Variants in LRBA observed in about 807,000 individuals in gnomAD.
LRBA encodes lipopolysaccharide-responsive and beige-like anchor protein.
A neutral mutation model predicts 330.0 loss-of-function variants in LRBA; 176 were observed. That is an observed-to-expected ratio of 0.53 (90% CI 0.47 to 0.60). The LOEUF is 0.60. Ranked by LOEUF, LRBA falls within the 20% of genes least tolerant of loss-of-function variation. The pLI is 0.00. For synonymous variants in LRBA, 1,230 were observed against 1,193.0 expected (o/e 1.03, Z -0.64); for missense variants, 3,259 against 3,444.8 (o/e 0.95, Z 1.35).
chr4:150,944,249 C>G (rs1251932573), intron 2 of LRBA, among the ~76,000 whole-genome samples: 1 of 152,194 alleles, frequency 6.6e-6, no homozygotes, highest in African/African-American at 2.4e-5. Context: ...ATAACTAGTA[C>G]AGTTACAAAT....
chr4:150,806,457 T>TCAAAA, intron 32 of LRBA, 53 bp from the exon 33 acceptor site: 4 of 1,274,900 alleles, frequency 3.1e-6, no homozygotes, highest in Non-Finnish European at 4.2e-6. Flanking sequence ...GTATCAATTT[T>TCAAAA]CTAGTTTTGA....
chr4:150,325,542 G>C (rs888089273), intron 49 of LRBA, among the ~76,000 whole-genome samples: 3 of 152,062 alleles, frequency 2.0e-5, no homozygotes, highest in African/African-American at 7.2e-5. Flanking sequence ...CCTACAGTGA[G>C]GATTCATGAC....
At position 150,724,412 on chromosome 4, in the gene LRBA, G is replaced by A. The variant is rs909291117; in HGVS notation, c.5754+10846C>T. Among the ~76,000 whole-genome samples, 22 of 152,218 alleles carry A rather than the reference G, an allele frequency of 1.4e-4. No individual in the cohort carries two copies. In the South Asian group the frequency reaches 1.7e-3, roughly 11 times the overall value. On this transcript the variant is annotated intron_variant, in intron 36 of 56. Transcript: ENST00000651943. ...AAAAAACACAGCCTTATTGGGGTTG[G>A]GGTCCAAGTCCTTTCAAATACCTGG...
At chr4:150,922,780 A>C (rs888535211) in intron 4 of LRBA, among the ~76,000 whole-genome samples, 1 of 149,242 alleles carries the variant, frequency 6.7e-6, no homozygotes, top group Non-Finnish European at 1.5e-5. Context: ...TAAAATTAAA[A>C]AATAAAAATA....
chr4:150,632,992 C>T (rs1324883709), intron 37 of LRBA, among the ~76,000 whole-genome samples: 1 of 152,182 alleles, frequency 6.6e-6, no homozygotes, highest in Non-Finnish European at 1.5e-5. Context: ...AAACTTTTGG[C>T]TATAATTACC....
At chr4:150,452,373 A>G (rs1005504991) in intron 44 of LRBA, among the ~76,000 whole-genome samples, 13 of 152,108 alleles carry the variant, frequency 8.5e-5, no homozygotes, top group Non-Finnish European at 1.3e-4. Flanking sequence ...TATAGAAGGG[A>G]ACTTCTTTGG....
chr4:150,698,609 T>C (rs1187825564), intron 36 of LRBA, among the ~76,000 whole-genome samples: 2 of 152,160 alleles, frequency 1.3e-5, no homozygotes, highest in Non-Finnish European at 2.9e-5. Context: ...AAAATAGCTG[T>C]TTTTTTAACC....
chr4:150,503,030 T>A (rs1280025836), intron 40 of LRBA, among the ~76,000 whole-genome samples: 1 of 152,120 alleles, frequency 6.6e-6, no homozygotes, highest in Admixed American at 6.5e-5. Context: ...TGCCCAGGCT[T>A]GATTAGGTAA....
intron 35 of LRBA, among the ~76,000 whole-genome samples, chr4:150,755,155 G>C (rs771262782): frequency 3.3e-5 from 5 of 152,148 alleles, no homozygotes; most frequent in Non-Finnish European, 5.9e-5. Flanking sequence ...GAGAAGTGAA[G>C]AAAAAGGATG....
chr4:150,638,379 T>C (rs1279767257), intron 37 of LRBA, among the ~76,000 whole-genome samples: 1 of 152,218 alleles, frequency 6.6e-6, no homozygotes, highest in Non-Finnish European at 1.5e-5. Flanking sequence ...TAAAGCTTTA[T>C]AGTTTTCAGT....
intron 44 of LRBA, among the ~76,000 whole-genome samples, chr4:150,437,464 C>G (rs995366453): frequency 4.0e-5 from 6 of 148,342 alleles, no homozygotes; most frequent in African/African-American, 1.2e-4. Context: ...TATACTTTAA[C>G]CAGAGGATTA....
intron 44 of LRBA, among the ~76,000 whole-genome samples, chr4:150,460,319 G>C (rs1332602370): frequency 2.7e-5 from 4 of 150,396 alleles, no homozygotes; most frequent in Admixed American, 6.6e-5. Context: ...ATGAAGGAGA[G>C]AAAAAAAAAT....
chr4:151,001,330 C>A (rs909223003), intron 2 of LRBA, among the ~76,000 whole-genome samples: 2 of 152,148 alleles, frequency 1.3e-5, no homozygotes, highest in Non-Finnish European at 2.9e-5. Flanking sequence ...GCCACTGCTG[C>A]CCCTCACCCA....
chr4:150,699,610 A>C (rs1392164832), intron 36 of LRBA, among the ~76,000 whole-genome samples: 1 of 152,188 alleles, frequency 6.6e-6, no homozygotes, highest in Non-Finnish European at 1.5e-5. Context: ...AGCTGTTATT[A>C]AACACTTAAT....
chr4:150,275,125 A>G (rs1016904359), intron 56 of LRBA, among the ~76,000 whole-genome samples: 8 of 152,244 alleles, frequency 5.3e-5, no homozygotes, highest in African/African-American at 1.9e-4. Context: ...CTGGTTCAAC[A>G]TACACAAATC....
At chr4:150,602,765 T>C (rs1415063504) in intron 37 of LRBA, among the ~76,000 whole-genome samples, 3 of 152,304 alleles carry the variant, frequency 2.0e-5, no homozygotes, top group Non-Finnish European at 4.4e-5. Context: ...AATAACATAG[T>C]GATCCAACCC....
rs565816841 is a variant in LRBA, at chr4:150,540,635, A to G, written c.6330+47413T>C. Among the ~76,000 whole-genome samples, 5 of 152,344 alleles carry G rather than the reference A, an allele frequency of 3.3e-5. No individual in the cohort carries two copies. In the South Asian group the frequency reaches 1.0e-3, roughly 32 times the overall value. On this transcript the variant is annotated intron_variant, in intron 40 of 56. Transcript: ENST00000651943. ...GTTTATAATACATTCCTTAATAACA[A>G]TAGCAACTTATACTTTCTTAAAAGT...
At chr4:150,467,417 T>C (rs2152061440) in intron 44 of LRBA, among the ~76,000 whole-genome samples, 1 of 152,212 alleles carries the variant, frequency 6.6e-6, no homozygotes, top group East Asian at 1.9e-4. Context: ...AGTGATATTT[T>C]AAATACCACA....
At chr4:150,945,175 T>G (rs528919791) in intron 2 of LRBA, among the ~76,000 whole-genome samples, 52 of 152,078 alleles carry the variant, frequency 3.4e-4, no homozygotes, top group African/African-American at 1.3e-3. Context: ...GTATTTAGAG[T>G]TCAAGGAAAA....
Sources: gnomAD v4.1 joint callset for allele counts (sites outside exome capture counted in the v4.1 genomes callset) on GRCh38, gnomAD v4.1.1 for gene constraint, MANE v1.5 for transcripts, NCBI Gene and HGNC (gene_info 2026-07-23, HGNC 2026-07-21) for gene names.